DIAPH3: variants seen among roughly 807,000 people sequenced by gnomAD.
DIAPH3 encodes the protein diaphanous related formin 3, also known as protein diaphanous homolog 3.
Under a neutral mutation model 144.3 loss-of-function variants are expected in DIAPH3, and 117 were observed. That is an observed-to-expected ratio of 0.81 (90% CI 0.70 to 0.95). The LOEUF is 0.95. Among genes scored for constraint, DIAPH3 ranks in the 40% least tolerant of loss-of-function variants. DIAPH3 has a pLI of 0.00. For missense variants in DIAPH3, 1,421 were observed against 1,412.7 expected (o/e 1.01, Z -0.09); for synonymous variants, 519 against 488.9 (o/e 1.06, Z -0.81).
At chr13:59,726,023 T>C (rs887905351) in intron 27 of DIAPH3, among the ~76,000 whole-genome samples, 10 of 152,332 alleles carry the variant, frequency 6.6e-5, no homozygotes, top group African/African-American at 2.4e-4. Flanking sequence ...TGGGGAAATA[T>C]TTCTCTTGAA....
intron 27 of DIAPH3, among the ~76,000 whole-genome samples, chr13:59,668,006 C>T (rs1442936649): frequency 6.6e-6 from 1 of 152,224 alleles, no homozygotes; most frequent in Non-Finnish European, 1.5e-5. Flanking sequence ...GGATTTTACA[C>T]ACTTTCTTGG....
chr13:59,781,277 T>A (rs1181384583), intron 25 of DIAPH3, among the ~76,000 whole-genome samples: 1 of 152,238 alleles, frequency 6.6e-6, no homozygotes, highest in Non-Finnish European at 1.5e-5. Context: ...GGTTTCCAAA[T>A]TCTGAAGCGA....
At chr13:59,809,321 G>C (rs1195923285) in intron 25 of DIAPH3, among the ~76,000 whole-genome samples, 1 of 152,112 alleles carries the variant, frequency 6.6e-6, no homozygotes, top group Non-Finnish European at 1.5e-5. Flanking sequence ...GGCCAACACG[G>C]CGAAACTCGG....
intron 20 of DIAPH3, among the ~76,000 whole-genome samples, chr13:59,885,180 A>G (rs575833032): frequency 3.0e-4 from 45 of 152,254 alleles, no homozygotes; most frequent in African/African-American, 1.1e-3. Flanking sequence ...GTAAAGCTAA[A>G]GAACAAAGAG....
At chr13:59,920,829 T>G (rs563117486) in intron 18 of DIAPH3, among the ~76,000 whole-genome samples, 1 of 151,968 alleles carries the variant, frequency 6.6e-6, no homozygotes, top group East Asian at 1.9e-4. Context: ...CCAGGACAGA[T>G]CATATGTTAT....
chr13:60,121,202 T>C (rs917841650), intron 2 of DIAPH3, among the ~76,000 whole-genome samples: 3 of 152,046 alleles, frequency 2.0e-5, no homozygotes, highest in African/African-American at 7.2e-5. Context: ...GCAGGCCAAA[T>C]ACTACTGTGG....
rs11421911 is a variant in DIAPH3, at chr13:59,666,357, C to CAAA, written c.*224_*226dup. 1.6e-3 allele frequency: 474 copies of CAAA among 301,996 alleles called. 2 individuals carry two copies. The highest frequency in any genetic ancestry group is 9.7e-3 in the African/African-American group (326 of 33,648). 18.7% of individuals were successfully genotyped at this position (301,996 alleles called of 1,614,324 possible). On this transcript the variant is annotated 3_prime_UTR_variant, in exon 28 of 28. Transcript: ENST00000400324. ...TAAAGAACTGAGGAATACCAGGAGA[C>CAAA]AAAAAAAAAAAAAAAAGGATTAAAG...
intron 27 of DIAPH3, among the ~76,000 whole-genome samples, chr13:59,706,445 T>C (rs1232488892): frequency 6.6e-6 from 1 of 152,086 alleles, no homozygotes; most frequent in African/African-American, 2.4e-5. Flanking sequence ...CTAGGTCAAA[T>C]AGGGAAGAAG....
intron 9 of DIAPH3, among the ~76,000 whole-genome samples, chr13:59,999,352 T>G (rs1381214045): frequency 6.6e-6 from 1 of 152,170 alleles, no homozygotes; most frequent in Non-Finnish European, 1.5e-5. Flanking sequence ...TTTCTACTTT[T>G]TCAGACATGG....
chr13:59,962,254 C>T (rs776375323), intron 17 of DIAPH3, among the ~76,000 whole-genome samples: 3 of 152,150 alleles, frequency 2.0e-5, no homozygotes, highest in Admixed American at 6.6e-5. Context: ...GAAGTGGACC[C>T]TTTCTCAAAA....
chr13:60,092,542 T>G (rs1331373845), intron 4 of DIAPH3, among the ~76,000 whole-genome samples: 1 of 152,014 alleles, frequency 6.6e-6, no homozygotes, highest in East Asian at 1.9e-4. Flanking sequence ...TCCCAGCTAC[T>G]CCGGAGGCTG....
intron 9 of DIAPH3, among the ~76,000 whole-genome samples, chr13:60,006,992 C>T (rs2052912355): frequency 6.6e-6 from 1 of 152,160 alleles, no homozygotes; most frequent in Non-Finnish European, 1.5e-5. Flanking sequence ...TGGCTATTCA[C>T]TAACACTGTC....
chr13:59,854,235 C>T (rs899492821), intron 22 of DIAPH3, among the ~76,000 whole-genome samples: 2 of 152,064 alleles, frequency 1.3e-5, no homozygotes, highest in African/African-American at 2.4e-5. Context: ...GATGCTTCCT[C>T]CCCTGGAGTC....
At chr13:60,033,797 CTG>C (rs1272915108) in intron 5 of DIAPH3, among the ~76,000 whole-genome samples, 1 of 152,166 alleles carries the variant, frequency 6.6e-6, no homozygotes, top group African/African-American at 2.4e-5. Context: ...CTGAAATAAA[CTG>C]TACCTGTTCC....
chr13:59,934,700 T>C (rs1452481275), intron 17 of DIAPH3, among the ~76,000 whole-genome samples: 1 of 86,944 alleles, frequency 1.2e-5, no homozygotes, highest in Non-Finnish European at 2.4e-5. Flanking sequence ...TCAGGAAACC[T>C]AAGCAGAGAA....
chr13:59,874,282 A>T (rs942080964), intron 21 of DIAPH3, among the ~76,000 whole-genome samples: 2 of 152,168 alleles, frequency 1.3e-5, no homozygotes, highest in African/African-American at 4.8e-5. Flanking sequence ...TTGCTAATCA[A>T]TGTCATCCAA....
intron 3 of DIAPH3, among the ~76,000 whole-genome samples, chr13:60,111,666 C>A (rs1223787116): frequency 6.6e-6 from 1 of 152,180 alleles, no homozygotes. Flanking sequence ...TCCACCACCC[C>A]CCAAACGCTC....
At chr13:59,757,987 A>G (rs776402925) in intron 27 of DIAPH3, among the ~76,000 whole-genome samples, 19 of 152,232 alleles carry the variant, frequency 1.2e-4, no homozygotes, top group Admixed American at 3.3e-4. Flanking sequence ...AGCACTTCAC[A>G]TAATAGGATA....
intron 3 of DIAPH3, among the ~76,000 whole-genome samples, chr13:60,096,841 C>A (rs530915473): frequency 1.3e-5 from 2 of 152,296 alleles, no homozygotes; most frequent in South Asian, 4.1e-4. Context: ...CTGAGTTTCA[C>A]CAACAACTTC....
Sources: gnomAD v4.1 joint callset for allele counts (sites outside exome capture counted in the v4.1 genomes callset) on GRCh38, gnomAD v4.1.1 for gene constraint, MANE v1.5 for transcripts, NCBI Gene and HGNC (gene_info 2026-07-23, HGNC 2026-07-21) for gene names.